Variants in C16orf46 observed in about 807,000 individuals in gnomAD.
C16orf46 encodes the protein chromosome 16 open reading frame 46, also known as uncharacterized protein C16orf46.
A neutral mutation model predicts 5.5 loss-of-function variants in C16orf46; 7 were observed. The observed-to-expected ratio is 1.28, with a 90% CI of 0.73 to 2.40. The LOEUF is 2.40. Ranked by LOEUF, C16orf46 falls within the 30% of genes most tolerant of loss-of-function variation. C16orf46 has a pLI of 0.00. For synonymous variants in C16orf46, 200 were observed against 184.1 expected, an observed-to-expected ratio of 1.09 and a Z score of -0.70; for missense variants, 614 against 476.0, an observed-to-expected ratio of 1.29 and a Z score of -2.70.
intron 3 of C16orf46, chr16:81,054,183 A>C (rs1446866731): frequency 7.6e-7 from 1 of 1,317,028 alleles, no homozygotes; most frequent in Non-Finnish European, 1.1e-6. Flanking sequence ...GAATTATGAC[A>C]AAAGGATATT....
intron 1 of C16orf46, among the ~76,000 whole-genome samples, chr16:81,069,571 T>G (rs1390235907): frequency 6.6e-6 from 1 of 152,196 alleles, no homozygotes; most frequent in South Asian, 2.1e-4. Flanking sequence ...GGGCTAATAC[T>G]TCCTTCTATA....
Position 81,061,712 on chromosome 16 carries a change from G to C in C16orf46, c.637C>G (p.Pro213Ala), listed in dbSNP as rs575038585. ...LTSRALLVLP[P>A]LKASLSNALD... ...GCATTTGAAAGTGAAGCCTTCAGGG[G>C]AGGCAGAACTAGGAGGGCCCTGGAA... The change falls in exon 4 of 4, where the codon CCC becomes GCC. Residue 213 changes from proline to alanine, a missense_variant. By Grantham distance (27) the Pro-to-Ala change is conservative. Coordinates refer to ENST00000299578, the MANE Select transcript of C16orf46 (RefSeq NM_152337.3). 2 of 1,614,084 alleles carry C rather than the reference G, an allele frequency of 1.2e-6. No homozygotes were observed. Among genetic ancestry groups the C allele is most frequent in the African/African-American group, 1.3e-5 (1 of 75,056 alleles).
intron 1 of C16orf46, among the ~76,000 whole-genome samples, chr16:81,073,189 G>A (rs1399861613): frequency 6.6e-6 from 1 of 152,194 alleles, no homozygotes; most frequent in Non-Finnish European, 1.5e-5. Flanking sequence ...GGGAACAGAT[G>A]TCTGTAGTTA....
intron 1 of C16orf46, among the ~76,000 whole-genome samples, chr16:81,070,842 T>C (rs149987895): frequency 1.3e-5 from 2 of 152,280 alleles, no homozygotes; most frequent in East Asian, 3.9e-4. Flanking sequence ...TAAGTCACTC[T>C]ATAGTTTCAC....
rs1971562830 is a variant in C16orf46 at position 81,063,758 on chromosome 16, T to A, written c.198A>T (p.Gly66=). 1.2e-6 allele frequency: 2 copies of A among 1,612,766 alleles called. No homozygotes were observed. The highest frequency in any genetic ancestry group is 1.7e-5 in the Admixed American group (1 of 59,984). Residue 66 remains glycine, a synonymous_variant, in exon 3 of 4, where the codon GGA becomes GGT. Transcript: ENST00000299578. ...EKAKEFIIGT[G]WEEAVQGWGR... ...GAAAGATACTCACTGCCTCTTCCCA[T>A]CCAGTTCCAATAATAAACTCTTTGG...
At chr16:81,074,536 C>T (rs1971962001) in intron 1 of C16orf46, among the ~76,000 whole-genome samples, 1 of 152,092 alleles carries the variant, frequency 6.6e-6, no homozygotes, top group Admixed American at 6.6e-5. Flanking sequence ...AGATGCGCGC[C>T]ATCACGCCCA....
intron 3 of C16orf46, 66 bp downstream of exon 3, chr16:81,063,680 A>G: frequency 1.4e-6 from 2 of 1,394,248 alleles, no homozygotes; most frequent in Non-Finnish European, 2.0e-6. Context: ...TTTTGGGAAA[A>G]AGAGGCTTGC....
chr16:81,060,988 A>G lies in C16orf46; in HGVS notation c.*173T>C. 1 of 1,379,604 alleles carries G rather than the reference A, an allele frequency of 7.2e-7. No individual in the cohort carries two copies. Among genetic ancestry groups the G allele is most frequent in the Non-Finnish European group, 9.3e-7 (1 of 1,070,734 alleles). 85.5% of individuals were successfully genotyped at this position (1,379,604 alleles called of 1,614,324 possible). A position where few individuals can be genotyped will look rare whatever the true frequency, so the allele number is the denominator to read the frequency against. ...AAATCCCAACAATCCACTGAGGTTCAGTTTTCTTCAGTTGTACTACAAAAA... is the reference window on the plus strand; with the variant it reads ...AAATCCCAACAATCCACTGAGGTTCGGTTTTCTTCAGTTGTACTACAAAAA... On this transcript the variant is annotated 3_prime_UTR_variant, in exon 4 of 4. Transcript: ENST00000299578.
At chr16:81,070,621 T>C (rs71400142) in intron 1 of C16orf46, among the ~76,000 whole-genome samples, 3,339 of 152,310 alleles carry the variant, frequency 0.022, 61 homozygotes, top group East Asian at 0.057. Flanking sequence ...CAATGGATCA[T>C]AGATTATAAA....
chr16:81,067,314 G>T (rs1971682202), intron 1 of C16orf46, among the ~76,000 whole-genome samples: 1 of 152,130 alleles, frequency 6.6e-6, no homozygotes, highest in South Asian at 2.1e-4. Flanking sequence ...GGTTAGGGAG[G>T]GAATAGTGAA....
intron 3 of C16orf46, among the ~76,000 whole-genome samples, chr16:81,054,817 T>G (rs979516960): frequency 1.3e-5 from 2 of 151,258 alleles, no homozygotes; most frequent in Admixed American, 6.6e-5. Context: ...CCCCCTAATT[T>G]TTCTATTTTT....
Position 81,061,995 on chromosome 16 carries a change from A to G in C16orf46, c.354T>C (p.Pro118=). 13 of 1,614,096 alleles carry G rather than the reference A, an allele frequency of 8.1e-6. No individual in the cohort carries two copies. Among genetic ancestry groups the G allele is most frequent in the Non-Finnish European group, 1.1e-5 (13 of 1,180,018 alleles). ...LSHWSLQTKP[P]TEGGPEKDQS... ...GATCCTTCTCTGGGCCCCCCTCAGT[A>G]GGAGGCTTGGTCTGGAGGCTCCAGT... The change falls in exon 4 of 4, where the codon CCT becomes CCC. Residue 118 remains proline (P), a synonymous_variant. Transcript: ENST00000299578.
At chr16:81,065,473 CAAAAA>C (rs11303086) in intron 2 of C16orf46, among the ~76,000 whole-genome samples, 3 of 65,380 alleles carry the variant, frequency 4.6e-5, no homozygotes, top group East Asian at 4.6e-4. Context: ...GAATCCGTCT[CAAAAA>C]AAAAAAAAAA....
chr16:81,073,063 T>C (rs1221971524), intron 1 of C16orf46, among the ~76,000 whole-genome samples: 1 of 152,150 alleles, frequency 6.6e-6, no homozygotes, highest in East Asian at 1.9e-4. Flanking sequence ...ATAGCTACCT[T>C]ATAGGAAGTC....
rs117419485 is a variant in C16orf46, at chr16:81,074,910, C to T, written c.-128+2226G>A. 4.6e-3 allele frequency among the ~76,000 whole-genome samples: 706 copies of T among 152,272 alleles called. 4 individuals are homozygous for T. Among genetic ancestry groups the T allele is most frequent in the Middle Eastern group, 0.02 (6 of 294 alleles). On this transcript the variant is annotated intron_variant, in intron 1 of 3. Transcript: ENST00000299578. ...TGTTTTTGGACCATTATTAAACCTGCGTAGACAGTTCGCAACCTAACTCTG... is the reference window on the plus strand; with the variant it reads ...TGTTTTTGGACCATTATTAAACCTGTGTAGACAGTTCGCAACCTAACTCTG...
At chr16:81,074,606 A>T (rs1056828262) in intron 1 of C16orf46, among the ~76,000 whole-genome samples, 12 of 151,954 alleles carry the variant, frequency 7.9e-5, no homozygotes, top group South Asian at 2.1e-4. Flanking sequence ...GATGGTCTCG[A>T]TCTCTTGACC....
At chr16:81,075,030 G>A (rs1345883480) in intron 1 of C16orf46, among the ~76,000 whole-genome samples, 2 of 152,144 alleles carry the variant, frequency 1.3e-5, no homozygotes, top group African/African-American at 2.4e-5. Flanking sequence ...GGATAAAGAC[G>A]TTGAGAAGGA....
chr16:81,053,589 G>A (rs967531205), exon 4 of C16orf46: 7 of 152,692 alleles, frequency 4.6e-5, no homozygotes, highest in African/African-American at 1.7e-4. Flanking sequence ...AGTATAGTTT[G>A]ACCTATCAGA....
At position 81,061,070 on chromosome 16, in the gene C16orf46, G is replaced by C; in HGVS notation, c.*91C>G. The C allele has an allele frequency of 1.4e-6, 2 of 1,456,610 alleles. No homozygotes were observed. Among genetic ancestry groups the C allele is most frequent in the Non-Finnish European group, 1.8e-6 (2 of 1,093,350 alleles). The allele number at this position is 1,456,610 out of a possible 1,614,324, so 90.2% of individuals were successfully genotyped here. A position where few individuals can be genotyped will look rare whatever the true frequency, so the allele number is the denominator to read the frequency against. On this transcript the variant is annotated 3_prime_UTR_variant, in exon 4 of 4. Coordinates refer to ENST00000299578, the MANE Select transcript of C16orf46 (RefSeq NM_152337.3). ...CTGACGGGGAGGAGAGAAAGAGAGAGTGGGGGGTGGGTGGGAAATGAGAGA... is the reference window on the plus strand; with the variant it reads ...CTGACGGGGAGGAGAGAAAGAGAGACTGGGGGGTGGGTGGGAAATGAGAGA...
Sources: allele counts gnomAD v4.1 joint callset (sites outside exome capture counted in the v4.1 genomes callset), GRCh38; gene constraint gnomAD v4.1.1; transcripts MANE v1.5; gene names NCBI Gene and HGNC (gene_info 2026-07-23, HGNC 2026-07-21).